The following TMEM108 variants were observed in gnomAD, a reference collection of about 807,000 sequenced individuals.
TMEM108 encodes the protein transmembrane protein 108.
A neutral mutation model predicts 35.1 loss-of-function variants in TMEM108; 12 were observed. The observed-to-expected ratio is 0.34, with a 90% CI of 0.22 to 0.55. The LOEUF (loss-of-function observed/expected upper bound fraction) is 0.55, where lower values mean the gene tolerates loss of function less well. TMEM108 is among the 20% of genes least tolerant of loss of function. The pLI is 0.89. For missense variants in TMEM108, 680 were observed against 753.3 expected, an observed-to-expected ratio of 0.90 and a Z score of 1.14; for synonymous variants, 287 against 308.6, an observed-to-expected ratio of 0.93 and a Z score of 0.73.
chr3:133,133,208 T>C (rs550510246), intron 2 of TMEM108, among the ~76,000 whole-genome samples: 217 of 152,242 alleles, frequency 1.4e-3, no homozygotes, highest in African/African-American at 5.0e-3. Context: ...TGAAAGAAGT[T>C]CTGTGGGTAA....
intron 2 of TMEM108, among the ~76,000 whole-genome samples, chr3:133,201,259 T>A (rs143311912): frequency 3.0e-4 from 45 of 152,268 alleles, no homozygotes; most frequent in African/African-American, 1.0e-3. Context: ...GTATAGCCAA[T>A]TTTCTTCAAC....
At chr3:133,098,488 C>T (rs540045961) in intron 2 of TMEM108, among the ~76,000 whole-genome samples, 9 of 152,124 alleles carry the variant, frequency 5.9e-5, no homozygotes, top group East Asian at 1.9e-4. Context: ...TTATGCCTTC[C>T]GAACAGTCCC....
chr3:133,210,272 C>G (rs563670827), intron 2 of TMEM108, among the ~76,000 whole-genome samples: 2 of 152,162 alleles, frequency 1.3e-5, no homozygotes, highest in Non-Finnish European at 2.9e-5. Context: ...TTCCTACATT[C>G]CTTCAGGGAG....
chr3:133,113,167 T>C (rs768925947), intron 2 of TMEM108, among the ~76,000 whole-genome samples: 4 of 152,126 alleles, frequency 2.6e-5, no homozygotes, highest in Non-Finnish European at 5.9e-5. Flanking sequence ...TAGACAGCAA[T>C]GTGAATGGAT....
intron 3 of TMEM108, among the ~76,000 whole-genome samples, chr3:133,358,563 G>A (rs760307406): frequency 6.6e-5 from 10 of 152,124 alleles, no homozygotes; most frequent in Non-Finnish European, 8.8e-5. Context: ...TGTGCTGCAC[G>A]GATGCCTTCG....
At chr3:133,283,988 C>G (rs928114804) in intron 3 of TMEM108, among the ~76,000 whole-genome samples, 7 of 152,138 alleles carry the variant, frequency 4.6e-5, no homozygotes, top group African/African-American at 7.2e-5. Flanking sequence ...TCACATGTGC[C>G]TAGTGGCTAC....
At chr3:133,218,343 T>G (rs971461613) in intron 2 of TMEM108, among the ~76,000 whole-genome samples, 2 of 152,058 alleles carry the variant, frequency 1.3e-5, no homozygotes, top group East Asian at 1.9e-4. Context: ...TTATGTCATC[T>G]GCAGACAGAG....
intron 2 of TMEM108, among the ~76,000 whole-genome samples, chr3:133,216,803 T>C (rs1374688867): frequency 6.6e-6 from 1 of 152,144 alleles, no homozygotes; most frequent in Admixed American, 6.6e-5. Flanking sequence ...TGTGTGTATA[T>C]ATATACCACA....
intron 2 of TMEM108, among the ~76,000 whole-genome samples, chr3:133,131,321 T>C (rs888506587): frequency 6.6e-6 from 1 of 151,910 alleles, no homozygotes; most frequent in Non-Finnish European, 1.5e-5. Flanking sequence ...ATGCTTCACT[T>C]TATTGTGTTT....
intron 3 of TMEM108, among the ~76,000 whole-genome samples, chr3:133,330,380 T>C (rs1212463253): frequency 1.3e-5 from 2 of 152,108 alleles, no homozygotes; most frequent in African/African-American, 2.4e-5. Flanking sequence ...GGAAACAATA[T>C]TCAAAGATGG....
At chr3:133,154,659 A>G (rs1224472743) in intron 2 of TMEM108, among the ~76,000 whole-genome samples, 1 of 152,088 alleles carries the variant, frequency 6.6e-6, no homozygotes, top group Non-Finnish European at 1.5e-5. Flanking sequence ...GGAATTGAAC[A>G]ATGAGAACAC....
At chr3:133,249,373 A>C (rs543283334) in intron 3 of TMEM108, among the ~76,000 whole-genome samples, 2 of 152,180 alleles carry the variant, frequency 1.3e-5, no homozygotes, top group Non-Finnish European at 2.9e-5. Context: ...TTAATTATAG[A>C]AAAGCTTTGA....
chr3:133,223,482 G>A (rs1229372821), intron 2 of TMEM108, among the ~76,000 whole-genome samples: 1 of 152,202 alleles, frequency 6.6e-6, no homozygotes, highest in African/African-American at 2.4e-5. Context: ...TTTCCTTTAT[G>A]CAGTGCTTTT....
intron 3 of TMEM108, among the ~76,000 whole-genome samples, chr3:133,331,651 A>G (rs1387897474): frequency 6.6e-6 from 1 of 152,222 alleles, no homozygotes; most frequent in African/African-American, 2.4e-5. Flanking sequence ...CAAGCTATGT[A>G]TCTACTGGGA....
chr3:133,143,513 T>C (rs761256865), intron 2 of TMEM108, among the ~76,000 whole-genome samples: 1 of 152,240 alleles, frequency 6.6e-6, no homozygotes, highest in African/African-American at 2.4e-5. Context: ...AAACTGCTTA[T>C]GAAGCATAAG....
Position 133,072,014 on chromosome 3 carries a change from G to A in TMEM108, c.-47+25994G>A, listed in dbSNP as rs1477257574. ...TTCTGGTATATGATGTAAGACAAGC[G>A]TCCAACTTCATTCTTTTGCATGTGG... is the stretch of plus-strand genomic sequence containing the variant. On this transcript the variant is annotated intron_variant, in intron 2 of 5. Coordinates refer to ENST00000321871, the MANE Select transcript of TMEM108 (RefSeq NM_023943.4). Among the ~76,000 whole-genome samples, 9 of 152,160 alleles carry A rather than the reference G, an allele frequency of 5.9e-5. No homozygotes were observed. The South Asian group carries it at 8.3e-4, about 14-fold the overall frequency.
chr3:133,239,136 T>C (rs895185518), intron 3 of TMEM108, among the ~76,000 whole-genome samples: 3 of 152,164 alleles, frequency 2.0e-5, no homozygotes, highest in African/African-American at 7.2e-5. Flanking sequence ...GTGCTGGGTT[T>C]TGTGTCCCCC....
At position 133,144,729 on chromosome 3, in the gene TMEM108, G is replaced by C. The variant is rs954017241; in HGVS notation, c.-46-84537G>C. Reference sequence around the variant, plus strand: ...TTTCCCTAATGACCAGTGATGATGAGCTTTTTTTCATATTTGTTGGCTGCA... The same window carrying C: ...TTTCCCTAATGACCAGTGATGATGACCTTTTTTTCATATTTGTTGGCTGCA... On this transcript the variant is annotated intron_variant, in intron 2 of 5. Transcript: ENST00000321871. 2.2e-4 allele frequency among the ~76,000 whole-genome samples: 33 copies of C among 152,148 alleles called. 1 individual carries two copies. Among genetic ancestry groups the C allele is most frequent in the African/African-American group, 8.0e-4 (33 of 41,446 alleles).
At chr3:133,378,168 T>C (rs1181399227) in intron 3 of TMEM108, among the ~76,000 whole-genome samples, 1 of 152,196 alleles carries the variant, frequency 6.6e-6, no homozygotes, top group Non-Finnish European at 1.5e-5. Context: ...TGGTGGGTGC[T>C]ACAGCCTCAG....
Sources: gnomAD v4.1 joint callset for allele counts (sites outside exome capture counted in the v4.1 genomes callset) on GRCh38, gnomAD v4.1.1 for gene constraint, MANE v1.5 for transcripts, NCBI Gene and HGNC (gene_info 2026-07-23, HGNC 2026-07-21) for gene names.